MOB3B: variants seen among roughly 807,000 people sequenced by gnomAD.
MOB3B encodes MOB kinase activator 3B, also known as MOB kinase activator-like 2B.
Under a neutral mutation model 18.7 loss-of-function variants are expected in MOB3B, and 7 were observed. The ratio of observed to expected loss-of-function variants is 0.37; its 90% CI spans 0.21 to 0.70. MOB3B has a LOEUF of 0.70. Among genes scored for constraint, MOB3B ranks in the 30% least tolerant of loss-of-function variants. The probability of loss-of-function intolerance (pLI) is 0.52; values close to 1 mark genes in which losing one functional copy is unlikely to be tolerated. For synonymous variants in MOB3B, 111 were observed against 99.9 expected, an observed-to-expected ratio of 1.11 and a Z score of -0.66; for missense variants, 253 against 281.3, an observed-to-expected ratio of 0.90 and a Z score of 0.72.
rs542642386 is a variant in MOB3B, at chr9:27,482,008, G to T, written c.-198-26260C>A. ...GAAATAAAATGCTATTGATCCAGTG[G>T]AGGGAAGAAAAGAGATAAGATGAAA... On this transcript the variant is annotated intron_variant, in intron 1 of 3. Transcript: ENST00000262244. Among the ~76,000 whole-genome samples the T allele has an allele frequency of 2.6e-5, 4 of 152,200 alleles. No homozygotes were observed. The East Asian group carries it at 7.7e-4, about 29-fold the overall frequency.
At chr9:27,372,590 C>T in intron 2 of MOB3B, among the ~76,000 whole-genome samples, 1 of 152,186 alleles carries the variant, frequency 6.6e-6, no homozygotes, top group Middle Eastern at 3.2e-3. Flanking sequence ...TAGAATATGG[C>T]TTTGATACGA....
chr9:27,414,448 A>G (rs1822117099), intron 2 of MOB3B, among the ~76,000 whole-genome samples: 1 of 152,184 alleles, frequency 6.6e-6, no homozygotes, highest in Non-Finnish European at 1.5e-5. Flanking sequence ...GCCTCCATTC[A>G]ATTAGGGCTG....
intron 1 of MOB3B, among the ~76,000 whole-genome samples, chr9:27,509,472 A>G (rs1450251406): frequency 5.3e-5 from 8 of 152,120 alleles, no homozygotes; most frequent in Non-Finnish European, 1.0e-4. Flanking sequence ...GCTTGAGGGC[A>G]GAGGTGCGAT....
At chr9:27,377,521 G>A (rs938043657) in intron 2 of MOB3B, among the ~76,000 whole-genome samples, 3 of 152,172 alleles carry the variant, frequency 2.0e-5, no homozygotes, top group African/African-American at 7.2e-5. Flanking sequence ...TCTCAAACGG[G>A]AGCCCTGAGA....
At chr9:27,523,453 C>T (rs4879537) in intron 1 of MOB3B, among the ~76,000 whole-genome samples, 1,996 of 121,862 alleles carry the variant, frequency 0.016, 117 homozygotes, top group Admixed American at 0.14. Flanking sequence ...AAAATACTGC[C>T]TAAACTGCAC....
intron 2 of MOB3B, among the ~76,000 whole-genome samples, chr9:27,428,542 G>T (rs559663956): frequency 1.5e-4 from 23 of 152,308 alleles, no homozygotes; most frequent in Admixed American, 1.2e-3. Context: ...ACGTGGTAGA[G>T]GCCAAAGGTA....
chr9:27,524,150 T>TAAA (rs3081119), intron 1 of MOB3B, among the ~76,000 whole-genome samples: 4,847 of 90,160 alleles, frequency 0.054, 292 homozygotes, highest in Middle Eastern at 0.079. Flanking sequence ...TCACCCGAAG[T>TAAA]AAAAAAAAAA....
rs1820698812 is a variant in MOB3B, at chr9:27,325,604, A to G, written c.*4983T>C. The G allele has an allele frequency of 6.6e-6, 1 of 152,270 alleles. No individual in the cohort carries two copies. The allele number at this position is 152,270 out of a possible 1,614,324, so 9.4% of individuals were successfully genotyped here. A position where few individuals can be genotyped will look rare whatever the true frequency, so the allele number is the denominator to read the frequency against. On this transcript the variant is annotated 3_prime_UTR_variant, in exon 4 of 4. Transcript: ENST00000262244. ...GTTAATATATTTTTTAAGGCAGGAAAACAATCATTATTTCCAAACACACTT... is the reference window on the plus strand; with the variant it reads ...GTTAATATATTTTTTAAGGCAGGAAGACAATCATTATTTCCAAACACACTT...
intron 2 of MOB3B, among the ~76,000 whole-genome samples, chr9:27,448,662 A>G (rs370471157): frequency 6.6e-6 from 1 of 152,228 alleles, no homozygotes; most frequent in South Asian, 2.1e-4. Flanking sequence ...GGGGTGGGAC[A>G]CAGCCAAAAC....
chr9:27,486,687 T>G (rs1300506134), intron 1 of MOB3B, among the ~76,000 whole-genome samples: 1 of 152,188 alleles, frequency 6.6e-6, no homozygotes, highest in Non-Finnish European at 1.5e-5. Context: ...GAAGCAGAAA[T>G]CCACCCAGGC....
At chr9:27,406,907 C>G (rs1242164094) in intron 2 of MOB3B, among the ~76,000 whole-genome samples, 2 of 151,582 alleles carry the variant, frequency 1.3e-5, no homozygotes, top group African/African-American at 4.9e-5. Context: ...GGCATGATCT[C>G]GGCTCACTGC....
chr9:27,516,339 C>T (rs1820233617), intron 1 of MOB3B, among the ~76,000 whole-genome samples: 1 of 152,202 alleles, frequency 6.6e-6, no homozygotes. Context: ...AACTTGCAGT[C>T]CAAGTGATGA....
At chr9:27,413,285 T>C (rs1822100419) in intron 2 of MOB3B, among the ~76,000 whole-genome samples, 1 of 151,960 alleles carries the variant, frequency 6.6e-6, no homozygotes, top group African/African-American at 2.4e-5. Flanking sequence ...GGTTATTATT[T>C]TGGAGTGAAT....
intron 1 of MOB3B, among the ~76,000 whole-genome samples, chr9:27,520,084 A>G (rs929261451): frequency 1.3e-5 from 2 of 152,226 alleles, no homozygotes; most frequent in East Asian, 3.8e-4. Flanking sequence ...TGGATGATCA[A>G]TGTGTTACTC....
At chr9:27,467,184 T>C (rs999500019) in intron 1 of MOB3B, among the ~76,000 whole-genome samples, 8 of 152,178 alleles carry the variant, frequency 5.3e-5, no homozygotes, top group East Asian at 1.9e-4. Flanking sequence ...TGTATCCTCC[T>C]CAAAGACTGA....
Position 27,329,576 on chromosome 9 carries a change from TACAA to T in MOB3B, c.*1007_*1010del, listed in dbSNP as rs1675095732. ...TGCTCAGAAGGCTAGTGGGGAGGGTTACAAGTCAGCCGTCTGGGTGTTAAATCTA... is the reference window on the plus strand; with the variant it reads ...TGCTCAGAAGGCTAGTGGGGAGGGTTGTCAGCCGTCTGGGTGTTAAATCTA... On this transcript the variant is annotated 3_prime_UTR_variant, in exon 4 of 4. Transcript: ENST00000262244. The T allele has an allele frequency of 6.6e-6, 1 of 152,514 alleles. No individual in the cohort carries two copies. Among genetic ancestry groups the T allele is most frequent in the Non-Finnish European group, 1.5e-5 (1 of 68,018 alleles). 9.4% of individuals were successfully genotyped at this position (152,514 alleles called of 1,614,324 possible). A position where few individuals can be genotyped will look rare whatever the true frequency, so the allele number is the denominator to read the frequency against.
chr9:27,416,239 C>T (rs1421985983), intron 2 of MOB3B, among the ~76,000 whole-genome samples: 1 of 151,724 alleles, frequency 6.6e-6, no homozygotes, highest in Non-Finnish European at 1.5e-5. Flanking sequence ...GACCTCATAC[C>T]TTAAGTATAG....
chr9:27,440,869 A>G (rs1822583923), intron 2 of MOB3B, among the ~76,000 whole-genome samples: 1 of 152,134 alleles, frequency 6.6e-6, no homozygotes, highest in African/African-American at 2.4e-5. Context: ...GCGGTCCTCA[A>G]CCTTTTTGGC....
intron 2 of MOB3B, among the ~76,000 whole-genome samples, chr9:27,411,327 T>C (rs549953679): frequency 1.2e-4 from 18 of 152,156 alleles, no homozygotes; most frequent in Non-Finnish European, 2.5e-4. Context: ...AGGTTCAAAT[T>C]TCCAAGAAGG....
Sources: gnomAD v4.1 joint callset for allele counts (sites outside exome capture counted in the v4.1 genomes callset) on GRCh38, gnomAD v4.1.1 for gene constraint, MANE v1.5 for transcripts, NCBI Gene and HGNC (gene_info 2026-07-23, HGNC 2026-07-21) for gene names.